Variants in PRTG observed in about 807,000 individuals in gnomAD.
PRTG encodes the protein protogenin.
A neutral mutation model predicts 122.5 loss-of-function variants in PRTG; 67 were observed. That is an observed-to-expected ratio of 0.55 (90% CI 0.45 to 0.67). The LOEUF is 0.67. PRTG is among the 30% of genes least tolerant of loss of function. The pLI is 0.00. For missense variants in PRTG, 1,435 were observed against 1,415.4 expected, an observed-to-expected ratio of 1.01 and a Z score of -0.22; for synonymous variants, 554 against 501.1, an observed-to-expected ratio of 1.11 and a Z score of -1.41.
At chr15:55,703,278 A>C (rs894516799) in intron 2 of PRTG, among the ~76,000 whole-genome samples, 6 of 152,252 alleles carry the variant, frequency 3.9e-5, no homozygotes, top group Non-Finnish European at 1.5e-5. Context: ...AAAGCAGAGG[A>C]GAAAATAGTT....
chr15:55,664,872 C>T (rs1025307851), intron 11 of PRTG, among the ~76,000 whole-genome samples: 1 of 152,054 alleles, frequency 6.6e-6, no homozygotes. Context: ...TACGTGTGAG[C>T]CACTGCACCT....
At chr15:55,636,299 AT>A (rs200047159) in intron 15 of PRTG, among the ~76,000 whole-genome samples, 10 of 150,156 alleles carry the variant, frequency 6.7e-5, no homozygotes, top group Admixed American at 1.3e-4. Flanking sequence ...ATACGGGTCA[AT>A]TTTTTTTTTC....
chr15:55,676,187 A>T (rs893593141), intron 8 of PRTG, among the ~76,000 whole-genome samples: 7 of 152,124 alleles, frequency 4.6e-5, no homozygotes, highest in African/African-American at 1.4e-4. Context: ...TTTGACTGAC[A>T]TAAGTTGTTC....
At chr15:55,695,913 G>A (rs1441250691) in intron 2 of PRTG, among the ~76,000 whole-genome samples, 1 of 152,134 alleles carries the variant, frequency 6.6e-6, no homozygotes, top group East Asian at 1.9e-4. Flanking sequence ...AGAGGTTGCA[G>A]TGAGCCGAGA....
chr15:55,680,608 G>T lies in PRTG; in HGVS notation c.697C>A (p.His233Asn). Residue 233 changes from histidine to asparagine, a missense_variant, in exon 5 of 20, where the codon CAC becomes AAC. Transcript: ENST00000389286. Reference protein sequence around the residue: ...VIPAKESKSFHTPTIIAGPQN... With the variant: ...VIPAKESKSFNTPTIIAGPQN... ...GGACCTGCTATAATTGTTGGTGTGT[G>T]GAAGGATTTTGACTCCTTAGCTTTG... 2 of 1,548,844 alleles carry T rather than the reference G, an allele frequency of 1.3e-6. No individual in the cohort carries two copies.
At chr15:55,620,344 A>G (rs1199024643) in intron 19 of PRTG, 78 bp from the exon 20 acceptor site, 1 of 1,563,448 alleles carries the variant, frequency 6.4e-7, no homozygotes, top group Non-Finnish European at 8.6e-7. Flanking sequence ...AGGTCCCCAC[A>G]GACAGGTGGG....
chr15:55,712,350 G>A (rs1161062558), intron 2 of PRTG, among the ~76,000 whole-genome samples: 2 of 152,178 alleles, frequency 1.3e-5, no homozygotes, highest in African/African-American at 2.4e-5. Flanking sequence ...GCTTTAGTCC[G>A]TGGACAGAGG....
Position 55,738,744 on chromosome 15 carries a change from A to C in PRTG, c.397+1638T>G, listed in dbSNP as rs868354276. 36 of 200,202 alleles carry C rather than the reference A, an allele frequency of 1.8e-4. 1 individual carries two copies. The South Asian group carries it at 2.4e-3, about 13-fold the overall frequency. 12.4% of individuals were successfully genotyped at this position (200,202 alleles called of 1,614,324 possible). ...AAGGAGGGAAGGAAGGCATGCAGGC[A>C]GGCAGAGGGAGGGAAGAGACAGGAA... is the stretch of plus-strand genomic sequence containing the variant. On this transcript the variant is annotated intron_variant, in intron 2 of 19. Transcript: ENST00000389286.
rs866577669 is a variant in PRTG, at chr15:55,709,119, C to G, written c.398-25188G>C. On this transcript the variant is annotated intron_variant, in intron 2 of 19. Transcript: ENST00000389286. Reference sequence around the variant, plus strand: ...CAAAATTGCGCCACTGCACTCCAGCCTGGGCGACAGGGTGGGACTCTGTCT... The same window carrying G: ...CAAAATTGCGCCACTGCACTCCAGCGTGGGCGACAGGGTGGGACTCTGTCT... Among the ~76,000 whole-genome samples, 7 of 133,818 alleles carry G rather than the reference C, an allele frequency of 5.2e-5. No homozygotes were observed. In the South Asian group the frequency reaches 1.6e-3, roughly 32 times the overall value. 87.8% of individuals were successfully genotyped at this position (133,818 alleles called of 152,430 possible).
intron 2 of PRTG, among the ~76,000 whole-genome samples, chr15:55,730,941 G>A (rs527690917): frequency 6.6e-6 from 1 of 152,236 alleles, no homozygotes; most frequent in Non-Finnish European, 1.5e-5. Context: ...CAGAAGTTGC[G>A]ATCTTTACTT....
At chr15:55,714,617 G>A (rs1206656203) in intron 2 of PRTG, among the ~76,000 whole-genome samples, 2 of 151,794 alleles carry the variant, frequency 1.3e-5, no homozygotes, top group African/African-American at 4.8e-5. Flanking sequence ...CCCTCCTTAT[G>A]CATCAAATAA....
At chr15:55,627,585 T>C (rs1474241314) in intron 16 of PRTG, among the ~76,000 whole-genome samples, 2 of 151,066 alleles carry the variant, frequency 1.3e-5, no homozygotes, top group East Asian at 1.9e-4. Context: ...CGTGATCCGC[T>C]TGCCTCGGCC....
chr15:55,630,098 C>A (rs542256934), intron 15 of PRTG, among the ~76,000 whole-genome samples: 12 of 151,926 alleles, frequency 7.9e-5, no homozygotes, highest in Admixed American at 5.2e-4. Flanking sequence ...GCCATTCTCC[C>A]GCCTCAGCCT....
Position 55,615,305 on chromosome 15 carries a change from C to T in PRTG, c.*4707G>A, listed in dbSNP as rs1418260043. The T allele has an allele frequency of 6.6e-6, 1 of 152,076 alleles. No homozygotes were observed. The highest frequency in any genetic ancestry group is 1.5e-5 in the Non-Finnish European group (1 of 67,972). 9.4% of individuals were successfully genotyped at this position (152,076 alleles called of 1,614,324 possible). A position where few individuals can be genotyped will look rare whatever the true frequency, so the allele number is the denominator to read the frequency against. On this transcript the variant is annotated 3_prime_UTR_variant, in exon 20 of 20. Transcript: ENST00000389286. ...GAAAAATTTGTGTTATTTTAAGCCACCACCTTCATGGTAATGTGTTACAGC... is the reference window on the plus strand; with the variant it reads ...GAAAAATTTGTGTTATTTTAAGCCATCACCTTCATGGTAATGTGTTACAGC...
chr15:55,620,031 G>C lies in PRTG; in HGVS notation c.3434C>G (p.Thr1145Ser), dbSNP rs1442415047. The change falls in exon 20 of 20, where the codon ACC becomes AGC. Residue 1145 changes from threonine (T) to serine (S), a missense_variant. Thr to Ser is a moderately conservative substitution (Grantham distance 58, BLOSUM62 1). Transcript: ENST00000389286. ...AAAGAATCAGAGGTTGGGGGGTGTG[G>C]TACTTATAACTGAGGACAGATGTAT... Reference protein sequence around the residue: ...DEIHLSSVISTTPPNL With the variant: ...DEIHLSSVISSTPPNL 1 of 1,614,020 alleles carries C rather than the reference G, an allele frequency of 6.2e-7. No individual in the cohort carries two copies. Among genetic ancestry groups the C allele is most frequent in the African/African-American group, 1.3e-5 (1 of 74,916 alleles).
intron 2 of PRTG, among the ~76,000 whole-genome samples, chr15:55,721,718 A>T (rs2030832956): frequency 6.6e-6 from 1 of 152,210 alleles, no homozygotes; most frequent in South Asian, 2.1e-4. Context: ...AATCACAGTT[A>T]AGGACGGCTG....
In PRTG at chr15:55,628,871, G is replaced by C; in HGVS notation, c.2757C>G (p.Thr919=). The C allele has an allele frequency of 6.2e-7, 1 of 1,614,036 alleles. No homozygotes were observed. The highest frequency in any genetic ancestry group is 8.5e-7 in the Non-Finnish European group (1 of 1,179,950). The change falls in exon 16 of 20, where the codon ACC becomes ACG. Residue 919 remains threonine, a synonymous_variant. Coordinates refer to ENST00000389286, the MANE Select transcript of PRTG (RefSeq NM_173814.6). The part of the protein sequence containing the change: ...SVELAVLPKE[T]SESNQRPKRL... Reference sequence around the variant, plus strand: ...GCTTGGGCCTCTGATTTGATTCAGAGGTTTCCTTTGGAAGTACTGCCAGCT... The same window carrying C: ...GCTTGGGCCTCTGATTTGATTCAGACGTTTCCTTTGGAAGTACTGCCAGCT...
In PRTG at chr15:55,624,443, A is replaced by T; in HGVS notation, c.2992T>A (p.Leu998Ile). ...TTTCCTACCTCATTTCCACTAGCTAAGGAGGCACTGGTACGAGGTAACTGT... is the reference window on the plus strand; with the variant it reads ...TTTCCTACCTCATTTCCACTAGCTATGGAGGCACTGGTACGAGGTAACTGT... ...TQQLPRTSAS[L>I]ASGNEVGKNL... The change falls in exon 18 of 20, where the codon TTA (leucine) becomes ATA (isoleucine). Residue 998 changes from leucine to isoleucine, a missense_variant. Transcript: ENST00000389286. 6.2e-7 allele frequency: 1 copy of T among 1,614,016 alleles called. No homozygotes were observed. Among genetic ancestry groups the T allele is most frequent in the Admixed American group, 1.7e-5 (1 of 60,006 alleles).
chr15:55,702,560 G>A (rs552698386), intron 2 of PRTG, among the ~76,000 whole-genome samples: 4 of 152,260 alleles, frequency 2.6e-5, no homozygotes, highest in Non-Finnish European at 5.9e-5. Context: ...ACCATAAGAT[G>A]CTGAAACTAA....
Sources: gnomAD v4.1 joint callset for allele counts (sites outside exome capture counted in the v4.1 genomes callset) on GRCh38, gnomAD v4.1.1 for gene constraint, MANE v1.5 for transcripts, NCBI Gene and HGNC (gene_info 2026-07-23, HGNC 2026-07-21) for gene names.